The following FARSB variants were observed in gnomAD, a reference collection of about 807,000 sequenced individuals.
The protein encoded by FARSB is phenylalanyl-tRNA synthetase subunit beta, also known as phenylalanine--tRNA ligase beta subunit.
Under a neutral mutation model 69.6 loss-of-function variants are expected in FARSB, and 40 were observed. That is an observed-to-expected ratio of 0.57 (90% CI 0.45 to 0.75). The LOEUF is 0.75. Ranked by LOEUF, FARSB falls within the 30% of genes least tolerant of loss-of-function variation. FARSB has a pLI of 0.00. For synonymous variants in FARSB, 235 were observed against 247.2 expected, an observed-to-expected ratio of 0.95 and a Z score of 0.46; for missense variants, 632 against 722.9, an observed-to-expected ratio of 0.87 and a Z score of 1.44.
At chr2:222,578,847 C>T (rs1030687504) in intron 16 of FARSB, among the ~76,000 whole-genome samples, 3 of 151,734 alleles carry the variant, frequency 2.0e-5, no homozygotes, top group Non-Finnish European at 4.4e-5. Flanking sequence ...CCAGGCGTGA[C>T]GGTGGGCGCC....
chr2:222,571,639 C>T lies in FARSB; in HGVS notation c.*232G>A, dbSNP rs3768972. 164 of 423,814 alleles carry T rather than the reference C, an allele frequency of 3.9e-4. No homozygotes were observed. In the East Asian group the frequency reaches 5.2e-3, roughly 14 times the overall value. 26.3% of individuals were successfully genotyped at this position (423,814 alleles called of 1,614,324 possible). On this transcript the variant is annotated 3_prime_UTR_variant, in exon 17 of 17. Transcript: ENST00000281828. ...GCTAGTGCATTTCTCCAGCACTCCACGGGGCTTTTACCCAACAATGCAGCT... is the reference window on the plus strand; with the variant it reads ...GCTAGTGCATTTCTCCAGCACTCCATGGGGCTTTTACCCAACAATGCAGCT...
intron 15 of FARSB, among the ~76,000 whole-genome samples, chr2:222,606,360 T>G (rs1026376556): frequency 6.8e-6 from 1 of 146,360 alleles, no homozygotes. Context: ...TACTACATCA[T>G]AGAAAGTCCA....
At chr2:222,653,887 G>A (rs1283235804) in intron 1 of FARSB, among the ~76,000 whole-genome samples, 1 of 152,030 alleles carries the variant, frequency 6.6e-6, no homozygotes, top group East Asian at 1.9e-4. Context: ...CTCCCAAAGT[G>A]CTGTGATTAC....
chr2:222,623,693 T>A lies in FARSB; in HGVS notation c.1208A>T (p.Asp403Val). ...LNKLTELLRH[D>V]MAAAGFTEAL... ...TTCAGTGAAGCCAGCGGCTGCCATG[T>A]CATGTCGGAGAAGTTCAGTGAGCTT... The change falls in exon 13 of 17, where the codon GAC (aspartate) becomes GTC (valine). Residue 403 changes from aspartate (D) to valine (V), a missense_variant. Asp to Val is a radical substitution (Grantham distance 152). Coordinates refer to ENST00000281828, the MANE Select transcript of FARSB (RefSeq NM_005687.5). 1 of 1,612,650 alleles carries A rather than the reference T, an allele frequency of 6.2e-7. No individual in the cohort carries two copies.
intron 14 of FARSB, among the ~76,000 whole-genome samples, chr2:222,618,265 T>C (rs1691048201): frequency 6.6e-6 from 1 of 152,206 alleles, no homozygotes. Context: ...AGATAAACTT[T>C]AGAATTTTTA....
intron 14 of FARSB, among the ~76,000 whole-genome samples, chr2:222,615,877 T>C (rs1335365142): frequency 6.6e-6 from 1 of 152,182 alleles, no homozygotes; most frequent in Non-Finnish European, 1.5e-5. Flanking sequence ...GCCCAAACCA[T>C]TCACAAAAAC....
At chr2:222,598,458 T>C (rs1305572530) in intron 16 of FARSB, among the ~76,000 whole-genome samples, 1 of 152,218 alleles carries the variant, frequency 6.6e-6, no homozygotes, top group East Asian at 1.9e-4. Context: ...ATTTCAGCTC[T>C]TTGCAACCTT....
chr2:222,601,616 T>C (rs1401761083), intron 15 of FARSB, among the ~76,000 whole-genome samples: 1 of 152,210 alleles, frequency 6.6e-6, no homozygotes, highest in Non-Finnish European at 1.5e-5. Context: ...TATATATTAT[T>C]CTACTTTGAA....
At chr2:222,604,581 G>T (rs904731581) in intron 15 of FARSB, among the ~76,000 whole-genome samples, 6 of 152,106 alleles carry the variant, frequency 3.9e-5, no homozygotes, top group African/African-American at 1.2e-4. Context: ...TTGAGACAGG[G>T]TCTCACTCCA....
At chr2:222,603,649 AATTATATTATTATTAATATAATTAAT>A (rs1486220538) in intron 15 of FARSB, among the ~76,000 whole-genome samples, 2 of 146,830 alleles carry the variant, frequency 1.4e-5, no homozygotes, top group African/African-American at 2.5e-5. Context: ...TAATACGATT[AATTATATTATTATTAATATAATTAAT>A]ATTATATTAT....
chr2:222,599,728 CTTA>C (rs1383481190), intron 16 of FARSB, among the ~76,000 whole-genome samples, 197 bp downstream of exon 16: 2 of 152,130 alleles, frequency 1.3e-5, no homozygotes, highest in African/African-American at 4.8e-5. Flanking sequence ...CTGTGCAGCA[CTTA>C]CGAGAGTTCT....
rs1436217284 is a variant in FARSB, at chr2:222,611,665, T to C, written c.1462+2146A>G. On this transcript the variant is annotated intron_variant, in intron 15 of 16. Transcript: ENST00000281828. ...TATAGCACTAGCACTTAAGAACAGC[T>C]CTCTCAATAGGAAGTCATCCTAAGC... 1.1e-4 allele frequency among the ~76,000 whole-genome samples: 17 copies of C among 152,070 alleles called. 1 individual carries two copies. The highest frequency in any genetic ancestry group is 1.1e-3 in the Admixed American group (17 of 15,278).
At chr2:222,655,823 A>C (rs1431115680) in intron 1 of FARSB, among the ~76,000 whole-genome samples, 193 bp downstream of exon 1, 1 of 152,242 alleles carries the variant, frequency 6.6e-6, no homozygotes, top group Non-Finnish European at 1.5e-5. Flanking sequence ...AAGCAGTGGC[A>C]CCGCTGCGAT....
chr2:222,622,551 T>C (rs1170943812), intron 13 of FARSB, among the ~76,000 whole-genome samples: 1 of 152,172 alleles, frequency 6.6e-6, no homozygotes, highest in Non-Finnish European at 1.5e-5. Flanking sequence ...TCAATGTTAT[T>C]TTTGGTACTT....
chr2:222,647,518 C>T (rs764944752), intron 2 of FARSB, among the ~76,000 whole-genome samples: 6 of 152,152 alleles, frequency 3.9e-5, no homozygotes, highest in Non-Finnish European at 8.8e-5. Context: ...CTTCAGACTT[C>T]ACAGCCTGCA....
intron 16 of FARSB, among the ~76,000 whole-genome samples, chr2:222,592,738 T>G (rs1256716037): frequency 6.6e-6 from 1 of 151,328 alleles, no homozygotes; most frequent in African/African-American, 2.4e-5. Context: ...TCCTCTTTTT[T>G]TGCCCAGTAT....
chr2:222,640,197 G>T (rs1691683904), intron 4 of FARSB, among the ~76,000 whole-genome samples: 1 of 152,146 alleles, frequency 6.6e-6, no homozygotes, highest in African/African-American at 2.4e-5. Flanking sequence ...TTTTTTAGAA[G>T]GGTAAGCTTT....
chr2:222,643,409 A>C (rs1691771182), intron 2 of FARSB, among the ~76,000 whole-genome samples: 1 of 152,270 alleles, frequency 6.6e-6, no homozygotes, highest in South Asian at 2.1e-4. Flanking sequence ...GAGTTGTAAC[A>C]GAGACTATAG....
chr2:222,571,716 G>T lies in FARSB; in HGVS notation c.*155C>A. The T allele has an allele frequency of 1.6e-6, 1 of 632,198 alleles. No homozygotes were observed. The highest frequency in any genetic ancestry group is 2.7e-6 in the Non-Finnish European group (1 of 369,920). 39.2% of individuals were successfully genotyped at this position (632,198 alleles called of 1,614,324 possible). On this transcript the variant is annotated 3_prime_UTR_variant, in exon 17 of 17. Coordinates refer to ENST00000281828, the MANE Select transcript of FARSB (RefSeq NM_005687.5). The stretch of plus-strand genomic sequence containing the variant: ...TGGCACAAGCTGGCCTAATATGCAG[G>T]GAAAGGATGGTCTCTACCCACACAG...
Sources: allele counts gnomAD v4.1 joint callset (sites outside exome capture counted in the v4.1 genomes callset), GRCh38; gene constraint gnomAD v4.1.1; transcripts MANE v1.5; gene names NCBI Gene and HGNC (gene_info 2026-07-23, HGNC 2026-07-21).